The following USP24 variants were observed in gnomAD, a reference collection of about 807,000 sequenced individuals.
The protein encoded by USP24 is ubiquitin specific peptidase 24.
USP24 carries 97 observed loss-of-function variants against 361.6 expected under a neutral mutation model. The observed-to-expected ratio is 0.27, with a 90% CI of 0.23 to 0.32. The LOEUF (loss-of-function observed/expected upper bound fraction) is 0.32, where lower values mean the gene tolerates loss of function less well. Among genes scored for constraint, USP24 ranks in the 10% least tolerant of loss-of-function variants. USP24 has a pLI of 1.00. For missense variants in USP24, 2,353 were observed against 3,165.6 expected (o/e 0.74, Z 6.16); for synonymous variants, 1,098 against 1,124.6 (o/e 0.98, Z 0.47).
intron 26 of USP24, among the ~76,000 whole-genome samples, chr1:55,138,261 C>T (rs79288881): frequency 1.3e-3 from 203 of 152,206 alleles, no homozygotes; most frequent in African/African-American, 4.4e-3. Context: ...CGTCATTTAC[C>T]CTGTCACTTT....
chr1:55,141,647 T>A lies in USP24; in HGVS notation c.2719A>T (p.Thr907Ser). ...TKMLTATAMPTVATSVQSPYR... is the reference protein window; with the variant it reads ...TKMLTATAMPSVATSVQSPYR... ...GGAGACTGAACTGAGGTTGCTACAG[T>A]TGGCATGGCAGTTGCTGTAAGCATT... Residue 907 changes from threonine (T) to serine (S), a missense_variant, in exon 24 of 68, where the codon ACT (threonine) becomes TCT (serine). Thr to Ser is a moderately conservative substitution (Grantham distance 58). Coordinates refer to ENST00000294383, the MANE Select transcript of USP24 (RefSeq NM_015306.3). 1 of 1,612,354 alleles carries A rather than the reference T, an allele frequency of 6.2e-7. No individual in the cohort carries two copies. The highest frequency in any genetic ancestry group is 8.5e-7 in the Non-Finnish European group (1 of 1,179,172).
At chr1:55,137,709 A>G in intron 27 of USP24, 21 bp from the exon 28 acceptor site, 2 of 1,604,796 alleles carry the variant, frequency 1.2e-6, no homozygotes, top group Non-Finnish European at 1.7e-6. Flanking sequence ...TGGTTTCTTA[A>G]TTATTGAGAG....
chr1:55,129,462 CA>C lies in USP24; in HGVS notation c.3635+14del. 1 of 1,610,456 alleles carries C rather than the reference CA, an allele frequency of 6.2e-7. No individual in the cohort carries two copies. Among genetic ancestry groups the C allele is most frequent in the African/African-American group, 1.3e-5 (1 of 74,966 alleles). On this transcript the variant is annotated intron_variant, in intron 32 of 67. Coordinates refer to ENST00000294383, the MANE Select transcript of USP24 (RefSeq NM_015306.3). ...ATTTTCGGCAACTCATGTAACATTA[CA>C]TTGAAACTCTAACCTCAAACCGCCA...
At chr1:55,080,255 C>A (rs1360135263) in intron 59 of USP24, among the ~76,000 whole-genome samples, 4 of 152,136 alleles carry the variant, frequency 2.6e-5, no homozygotes, top group African/African-American at 9.7e-5. Flanking sequence ...GTAGCTTTGT[C>A]TTTTTAGATG....
chr1:55,178,719 AT>A (rs879765502), intron 1 of USP24, among the ~76,000 whole-genome samples: 14,212 of 131,048 alleles, frequency 0.11, 979 homozygotes, highest in South Asian at 0.18. Flanking sequence ...AAATAAATAA[AT>A]AAATAAATAA....
chr1:55,197,880 T>G (rs1022534535), intron 1 of USP24, among the ~76,000 whole-genome samples: 3 of 152,242 alleles, frequency 2.0e-5, no homozygotes, highest in African/African-American at 7.2e-5. Flanking sequence ...GATGGGATGT[T>G]ATTTTCTGGG....
intron 67 of USP24, chr1:55,071,460 T>C (rs111760501): frequency 4.9e-6 from 5 of 1,028,766 alleles, no homozygotes; most frequent in Admixed American, 5.2e-5. Flanking sequence ...CCAGGAAGGC[T>C]GGTGAGAGCA....
rs760781214 is a variant in USP24 at position 55,162,259 on chromosome 1, G to C, written c.933C>G (p.Val311=). The change falls in exon 8 of 68, where the codon GTC becomes GTG. Residue 311 remains valine (V), a synonymous_variant. Transcript: ENST00000294383. Reference sequence around the variant, plus strand: ...CTCCTAAGGGCTGAATCAGTGCTGAGACAGCCTGGAAAAAGACAGTGAAGA... The same window carrying C: ...CTCCTAAGGGCTGAATCAGTGCTGACACAGCCTGGAAAAAGACAGTGAAGA... ...LHSEDIELGA[V]SALIQPLGVC... The C allele has an allele frequency of 6.4e-7, 1 of 1,574,484 alleles. No individual in the cohort carries two copies. Among genetic ancestry groups the C allele is most frequent in the East Asian group, 2.3e-5 (1 of 42,906 alleles).
intron 1 of USP24, among the ~76,000 whole-genome samples, chr1:55,189,839 T>C (rs1053456995): frequency 1.3e-5 from 2 of 152,036 alleles, no homozygotes; most frequent in Non-Finnish European, 2.9e-5. Context: ...ATCTAACACA[T>C]ATGGCAATTA....
Position 55,072,420 on chromosome 1 carries a change from A to G in USP24, c.7603-17T>C. Reference sequence around the variant, plus strand: ...TTCTGACATCTGAGATGAAAGGTCAAAAATGCCATCAGAGGTGACAAATAA... The same window carrying G: ...TTCTGACATCTGAGATGAAAGGTCAGAAATGCCATCAGAGGTGACAAATAA... On this transcript the variant is annotated splice_polypyrimidine_tract_variant and intron_variant, in intron 65 of 67. Coordinates refer to ENST00000294383, the MANE Select transcript of USP24 (RefSeq NM_015306.3). 1.9e-6 allele frequency: 3 copies of G among 1,605,342 alleles called. No homozygotes were observed.
chr1:55,166,324 G>A (rs574147309), intron 6 of USP24, among the ~76,000 whole-genome samples: 1 of 152,070 alleles, frequency 6.6e-6, no homozygotes, highest in East Asian at 1.9e-4. Context: ...GGTCTTGAGA[G>A]AATCCTTGCA....
At chr1:55,191,036 C>G (rs752655745) in intron 1 of USP24, among the ~76,000 whole-genome samples, 1 of 152,126 alleles carries the variant, frequency 6.6e-6, no homozygotes, top group Non-Finnish European at 1.5e-5. Context: ...TTACAATATT[C>G]ATGTAAATCC....
chr1:55,213,491 C>T lies in USP24; in HGVS notation c.324+1299G>A, dbSNP rs1644899420. On this transcript the variant is annotated intron_variant, in intron 1 of 67. Coordinates refer to ENST00000294383, the MANE Select transcript of USP24 (RefSeq NM_015306.3). ...AGCATACAATTAAAAGGATATAACA[C>T]TGCTCAGGAAAAAGTGTTTCAAAAG... Among the ~76,000 whole-genome samples, 2 of 152,210 alleles carry T rather than the reference C, an allele frequency of 1.3e-5. 1 individual carries two copies. The highest frequency in any genetic ancestry group is 4.8e-5 in the African/African-American group (2 of 41,442).
chr1:55,117,114 G>C (rs992014838), intron 38 of USP24, among the ~76,000 whole-genome samples: 1 of 152,072 alleles, frequency 6.6e-6, no homozygotes, highest in Admixed American at 6.6e-5. Flanking sequence ...AGCAGAAAAA[G>C]CATTTGATAA....
intron 64 of USP24, 148 bp downstream of exon 64, chr1:55,073,680 C>T: frequency 1.4e-6 from 1 of 706,010 alleles, no homozygotes; most frequent in Non-Finnish European, 2.4e-6. Flanking sequence ...TGAGATCATG[C>T]AAATAGGTTT....
intron 67 of USP24, among the ~76,000 whole-genome samples, chr1:55,070,135 CTGTG>C (rs951745493): frequency 1.3e-5 from 2 of 151,916 alleles, no homozygotes; most frequent in African/African-American, 2.4e-5. Flanking sequence ...CATGGGGGTG[CTGTG>C]TGTGAGATAA....
At position 55,144,175 on chromosome 1, in the gene USP24, T is replaced by A; in HGVS notation, c.2391A>T (p.Glu797Asp). 6.2e-7 allele frequency: 1 copy of A among 1,606,710 alleles called. No homozygotes were observed. The highest frequency in any genetic ancestry group is 8.5e-7 in the Non-Finnish European group (1 of 1,176,924). ...NGFNLFKTFFENVNLCDHRLK... is the reference protein window; with the variant it reads ...NGFNLFKTFFDNVNLCDHRLK... Reference sequence around the variant, plus strand: ...ATCGATGATCACAAAGATTCACATTTTCAAAAAAAGTTTTAAATAAGTTAA... The same window carrying A: ...ATCGATGATCACAAAGATTCACATTATCAAAAAAAGTTTTAAATAAGTTAA... Residue 797 changes from glutamate (E) to aspartate (D), a missense_variant, in exon 21 of 68, where the codon GAA (glutamate) becomes GAT (aspartate). By Grantham distance (45) the Glu-to-Asp change is conservative. This residue lies in a region of USP24 where 949 missense variants were observed against 1,280.5 expected (regional missense o/e 0.74). Transcript: ENST00000294383.
chr1:55,082,633 A>G (rs1256545309), intron 58 of USP24, among the ~76,000 whole-genome samples: 1 of 152,154 alleles, frequency 6.6e-6, no homozygotes, highest in Non-Finnish European at 1.5e-5. Context: ...TACAAAATAC[A>G]AAGTTAGCCA....
chr1:55,163,224 G>T (rs1648478059), intron 7 of USP24, among the ~76,000 whole-genome samples: 1 of 151,840 alleles, frequency 6.6e-6, no homozygotes, highest in Admixed American at 6.6e-5. Flanking sequence ...TGAGGTGGGA[G>T]AACATTATCT....
Sources: gnomAD v4.1 joint callset for allele counts (sites outside exome capture counted in the v4.1 genomes callset) on GRCh38, gnomAD v4.1.1 for gene constraint, gnomAD v4.1.1 regional missense constraint, MANE v1.5 for transcripts, NCBI Gene and HGNC (gene_info 2026-07-23, HGNC 2026-07-21) for gene names.